MGAT5B: variants seen among roughly 807,000 people sequenced by gnomAD.
MGAT5B encodes the protein N-acetylglucosaminyl-transferase Vb.
MGAT5B carries 54 observed loss-of-function variants against 95.1 expected under a neutral mutation model. The observed-to-expected ratio is 0.57, with a 90% CI of 0.46 to 0.71. The LOEUF is 0.71. Among genes scored for constraint, MGAT5B ranks in the 30% least tolerant of loss-of-function variants. The probability of loss-of-function intolerance (pLI) is 0.00; values close to 1 mark genes in which losing one functional copy is unlikely to be tolerated. For synonymous variants in MGAT5B, 464 were observed against 451.0 expected, an observed-to-expected ratio of 1.03 and a Z score of -0.36; for missense variants, 935 against 1,088.6, an observed-to-expected ratio of 0.86 and a Z score of 1.99.
At position 76,915,649 on chromosome 17, in the gene MGAT5B, A is replaced by C. The variant is rs1420405712; in HGVS notation, c.1026-9317A>C. On this transcript the variant is annotated intron_variant, in intron 8 of 17. Coordinates refer to ENST00000569840, the MANE Select transcript of MGAT5B (RefSeq NM_001199172.2). The surrounding 1 kb of genome is among the most constrained non-coding windows in gnomAD (Gnocchi z 8.7). Reference sequence around the variant, plus strand: ...AATATTTTGTAACTTATAAGCACACAGATTAGGAAAAGGTGGGGAAGAACC... The same window carrying C: ...AATATTTTGTAACTTATAAGCACACCGATTAGGAAAAGGTGGGGAAGAACC... 6.6e-6 allele frequency among the ~76,000 whole-genome samples: 1 copy of C among 152,186 alleles called. No homozygotes were observed. Among genetic ancestry groups the C allele is most frequent in the Non-Finnish European group, 1.5e-5 (1 of 68,038 alleles).
At position 76,938,194 on chromosome 17, in the gene MGAT5B, G is replaced by A; in HGVS notation, c.1584+51G>A. 6.2e-7 allele frequency: 1 copy of A among 1,602,096 alleles called. No individual in the cohort carries two copies. The highest frequency in any genetic ancestry group is 8.5e-7 in the Non-Finnish European group (1 of 1,173,014). ...CTCACACTTGCCGGCTGCAGACACT[G>A]AGGTCACCACCCATGCCTGCCACCA... is the stretch of plus-strand genomic sequence containing the variant. On this transcript the variant is annotated intron_variant, in intron 13 of 17. Coordinates refer to ENST00000569840, the MANE Select transcript of MGAT5B (RefSeq NM_001199172.2). This position sits in a 1 kb window ranked among gnomAD's most constrained non-coding sequence, Gnocchi z 4.3.
chr17:76,933,164 G>A, intron 11 of MGAT5B, 128 bp from the exon 12 acceptor site: 1 of 1,150,438 alleles, frequency 8.7e-7, no homozygotes, highest in Non-Finnish European at 1.3e-6. Context: ...GAGGCTTAGA[G>A]ATTAGAACCC....
chr17:76,878,978 GCCTGGAGT>G (rs1234962033), intron 2 of MGAT5B, among the ~76,000 whole-genome samples: 3 of 150,954 alleles, frequency 2.0e-5, no homozygotes, highest in African/African-American at 7.3e-5. Context: ...AGCAGAGCGG[GCCTGGAGT>G]CCAGGCTTCT....
chr17:76,949,011 A>C lies in MGAT5B; in HGVS notation c.*173A>C. The C allele has an allele frequency of 2.6e-6, 2 of 775,058 alleles. No individual in the cohort carries two copies. Among genetic ancestry groups the C allele is most frequent in the South Asian group, 3.7e-5 (2 of 53,732 alleles). 48.0% of individuals were successfully genotyped at this position (775,058 alleles called of 1,614,324 possible). ...GAGAGCCGTGCCCGGGAATAGGAGG[A>C]GGCAGCATGCCGAGCCCCTGGGACC... is the stretch of plus-strand genomic sequence containing the variant. On this transcript the variant is annotated 3_prime_UTR_variant, in exon 18 of 18. Coordinates refer to ENST00000569840, the MANE Select transcript of MGAT5B (RefSeq NM_001199172.2).
intron 3 of MGAT5B, among the ~76,000 whole-genome samples, chr17:76,892,270 A>G (rs1051364425): frequency 6.6e-6 from 1 of 152,198 alleles, no homozygotes; most frequent in African/African-American, 2.4e-5. Context: ...CTGGTCTCGA[A>G]CACCTGACCT....
In MGAT5B at chr17:76,940,929, C is replaced by A; in HGVS notation, c.1848+81C>A. On this transcript the variant is annotated intron_variant, in intron 15 of 17. Transcript: ENST00000569840. This position sits in a 1 kb window ranked among gnomAD's most constrained non-coding sequence, Gnocchi z 4.3. Reference sequence around the variant, plus strand: ...ACTCTGATTAGAAAACGGTGCCCCCCTCTGGGTGAGTTCAGACTTGCAGGC... The same window carrying A: ...ACTCTGATTAGAAAACGGTGCCCCCATCTGGGTGAGTTCAGACTTGCAGGC... 8.0e-7 allele frequency: 1 copy of A among 1,244,592 alleles called. No homozygotes were observed. Among genetic ancestry groups the A allele is most frequent in the Non-Finnish European group, 1.2e-6 (1 of 865,308 alleles). 77.1% of individuals were successfully genotyped at this position (1,244,592 alleles called of 1,614,324 possible).
At chr17:76,899,561 C>T (rs976482376) in intron 3 of MGAT5B, among the ~76,000 whole-genome samples, 3 of 152,108 alleles carry the variant, frequency 2.0e-5, no homozygotes, top group East Asian at 1.9e-4. Context: ...GGCTTGAGCC[C>T]GGGAGGTTGA....
At chr17:76,941,846 C>T (rs1226360236) in intron 15 of MGAT5B, among the ~76,000 whole-genome samples, 3 of 152,236 alleles carry the variant, frequency 2.0e-5, no homozygotes, top group Non-Finnish European at 4.4e-5. Context: ...GAGCTCATCA[C>T]CACGGGGGCC....
chr17:76,881,958 G>C (rs1221940203), intron 2 of MGAT5B, among the ~76,000 whole-genome samples, 193 bp from the exon 3 acceptor site: 1 of 152,258 alleles, frequency 6.6e-6, no homozygotes, highest in African/African-American at 2.4e-5. Flanking sequence ...CCACGATGCT[G>C]TTCTCTGCAC....
chr17:76,891,459 A>G (rs1967867464), intron 3 of MGAT5B, among the ~76,000 whole-genome samples: 1 of 151,584 alleles, frequency 6.6e-6, no homozygotes. Flanking sequence ...GGCTCACTAC[A>G]ACCTCCGCCT....
Position 76,906,682 on chromosome 17 carries a change from G to A in MGAT5B, c.1025+495G>A, listed in dbSNP as rs768134548. 1.3e-5 allele frequency among the ~76,000 whole-genome samples: 2 copies of A among 152,112 alleles called. No homozygotes were observed. The highest frequency in any genetic ancestry group is 2.4e-5 in the African/African-American group (1 of 41,416). On this transcript the variant is annotated intron_variant, in intron 8 of 17. Transcript: ENST00000569840. This position sits in a 1 kb window ranked among gnomAD's most constrained non-coding sequence, Gnocchi z 4.6. ...TTTTCACGGTCCCTTGGATGCTGTG[G>A]GAGGTGGAAGGGCAGTGATTAGAGG...
At chr17:76,926,405 G>C (rs536334207) in intron 9 of MGAT5B, among the ~76,000 whole-genome samples, 192 bp from the exon 10 acceptor site, 45 of 152,180 alleles carry the variant, frequency 3.0e-4, no homozygotes, top group African/African-American at 1.1e-3. Flanking sequence ...GGACAGATGA[G>C]GCAGCACAGA....
intron 2 of MGAT5B, among the ~76,000 whole-genome samples, chr17:76,880,292 G>A (rs887164234): frequency 2.0e-5 from 3 of 152,114 alleles, no homozygotes; most frequent in African/African-American, 4.8e-5. Context: ...TAGCCTGGCC[G>A]GCATTTCCAA....
At chr17:76,941,906 A>G (rs1414591443) in intron 15 of MGAT5B, among the ~76,000 whole-genome samples, 1 of 152,204 alleles carries the variant, frequency 6.6e-6, no homozygotes, top group African/African-American at 2.4e-5. Flanking sequence ...CCCGAGGAGA[A>G]AGAGGCTAGG....
intron 3 of MGAT5B, among the ~76,000 whole-genome samples, chr17:76,882,875 T>TGTAG (rs1967486337): frequency 6.7e-6 from 1 of 149,118 alleles, no homozygotes; most frequent in South Asian, 2.1e-4. Flanking sequence ...CCACCACACC[T>TGTAG]CGGTAATTTT....
chr17:76,920,406 G>A (rs1439752915), intron 8 of MGAT5B, among the ~76,000 whole-genome samples: 2 of 152,224 alleles, frequency 1.3e-5, no homozygotes, highest in African/African-American at 4.8e-5. Flanking sequence ...TTGGTTGAAG[G>A]TTGTCGGGGG....
At chr17:76,895,806 AG>A (rs1216414079) in intron 3 of MGAT5B, among the ~76,000 whole-genome samples, 1 of 152,056 alleles carries the variant, frequency 6.6e-6, no homozygotes, top group African/African-American at 2.4e-5. Context: ...ACGAATTTGA[AG>A]GGGGGGCATC....
intron 3 of MGAT5B, among the ~76,000 whole-genome samples, chr17:76,898,498 T>A (rs1968184253): frequency 6.6e-6 from 1 of 151,710 alleles, no homozygotes; most frequent in African/African-American, 2.4e-5. Flanking sequence ...CCGGCTAATT[T>A]TTTTTTTTTG....
In MGAT5B at chr17:76,912,978, T is replaced by C. The variant is rs1361547507; in HGVS notation, c.1025+6791T>C. On this transcript the variant is annotated intron_variant, in intron 8 of 17. Coordinates refer to ENST00000569840, the MANE Select transcript of MGAT5B (RefSeq NM_001199172.2). This position sits in a 1 kb window ranked among gnomAD's most constrained non-coding sequence, Gnocchi z 5.0. Reference sequence around the variant, plus strand: ...TTTATTTGCACAATTTCAAGCATCATTAATAGTACATGGCATGAGAAAACA... The same window carrying C: ...TTTATTTGCACAATTTCAAGCATCACTAATAGTACATGGCATGAGAAAACA... Among the ~76,000 whole-genome samples the C allele has an allele frequency of 1.3e-5, 2 of 152,214 alleles. No individual in the cohort carries two copies. Among genetic ancestry groups the C allele is most frequent in the Non-Finnish European group, 2.9e-5 (2 of 68,032 alleles).
Sources: allele counts gnomAD v4.1 joint callset (sites outside exome capture counted in the v4.1 genomes callset), GRCh38; gene constraint gnomAD v4.1.1; non-coding constraint Gnocchi (gnomAD v3.1); transcripts MANE v1.5; gene names NCBI Gene and HGNC (gene_info 2026-07-23, HGNC 2026-07-21).